Variants in CHD7 observed in about 807,000 individuals in gnomAD.
CHD7 encodes chromodomain helicase DNA binding protein 7, also known as ATP-dependent chromatin remodeler CHD7.
CHD7 carries 24 observed loss-of-function variants against 307.3 expected under a neutral mutation model. The observed-to-expected ratio is 0.08, with a 90% CI of 0.06 to 0.11. The LOEUF (loss-of-function observed/expected upper bound fraction) is 0.11, where lower values mean the gene tolerates loss of function less well. CHD7 is among the 10% of genes least tolerant of loss of function. CHD7 has a pLI of 1.00. For synonymous variants in CHD7, 1,363 were observed against 1,349.9 expected (o/e 1.01, Z -0.21); for missense variants, 3,106 against 3,727.1 (o/e 0.83, Z 4.34).
chr8:60,741,827 A>G lies in CHD7; in HGVS notation c.395A>G (p.Glu132Gly). Residue 132 changes from glutamate to glycine, a missense_variant, in exon 2 of 38, where the codon GAG becomes GGG. Glu to Gly is a moderately conservative substitution (Grantham distance 98). Coordinates refer to ENST00000423902, the MANE Select transcript of CHD7 (RefSeq NM_017780.4). ...QMGVYPGMQNERHGQSFVDSS... is the reference protein window; with the variant it reads ...QMGVYPGMQNGRHGQSFVDSS... ...GGTGTCTACCCTGGCATGCAGAATG[A>G]GAGGCATGGGCAATCCTTTGTGGAC... 6.2e-7 allele frequency: 1 copy of G among 1,613,884 alleles called. No individual in the cohort carries two copies. Among genetic ancestry groups the G allele is most frequent in the African/African-American group, 1.3e-5 (1 of 75,026 alleles).
chr8:60,856,758 C>T lies in CHD7; in HGVS notation c.7478C>T (p.Pro2493Leu). The change falls in exon 34 of 38, where the codon CCC (proline) becomes CTC (leucine). Residue 2493 changes from proline (P) to leucine (L), a missense_variant. Transcript: ENST00000423902. The stretch of plus-strand genomic sequence containing the variant: ...CTCCAAGCAGGCCTTTCGCGCACAC[C>T]CACAAGGCATCTCCTTAATGGCTCC... ...ELLQAGLSRT[P>L]TRHLLNGSLV... The T allele has an allele frequency of 6.2e-7, 1 of 1,613,978 alleles. No individual in the cohort carries two copies. The highest frequency in any genetic ancestry group is 8.5e-7 in the Non-Finnish European group (1 of 1,179,898).
chr8:60,783,584 G>A (rs761245695), intron 3 of CHD7, among the ~76,000 whole-genome samples: 1 of 152,184 alleles, frequency 6.6e-6, no homozygotes, highest in African/African-American at 2.4e-5. Context: ...CTCTGAAAAA[G>A]TGTCTAGTAC....
At chr8:60,744,862 A>G (rs1333547696) in intron 2 of CHD7, among the ~76,000 whole-genome samples, 1 of 151,502 alleles carries the variant, frequency 6.6e-6, no homozygotes, top group Admixed American at 6.6e-5. Context: ...CTAAAAAAAA[A>G]AAAATTTTTT....
chr8:60,807,191 G>A (rs1461659342), intron 6 of CHD7, among the ~76,000 whole-genome samples: 1 of 152,152 alleles, frequency 6.6e-6, no homozygotes, highest in African/African-American at 2.4e-5. Flanking sequence ...TTGCTCTTTT[G>A]TTTGTTCTTT....
At chr8:60,761,156 G>A (rs936391745) in intron 2 of CHD7, among the ~76,000 whole-genome samples, 2 of 151,792 alleles carry the variant, frequency 1.3e-5, no homozygotes, top group Non-Finnish European at 2.9e-5. Flanking sequence ...GGAATACTAT[G>A]CAGCCATAAA....
intron 1 of CHD7, among the ~76,000 whole-genome samples, chr8:60,729,949 G>C (rs1289417611): frequency 6.6e-6 from 1 of 152,074 alleles, no homozygotes; most frequent in African/African-American, 2.4e-5. Flanking sequence ...CAAGAGTCTT[G>C]TACACTCATA....
chr8:60,729,614 A>G (rs989026252), intron 1 of CHD7, among the ~76,000 whole-genome samples: 1 of 152,234 alleles, frequency 6.6e-6, no homozygotes, highest in African/African-American at 2.4e-5. Flanking sequence ...AGGCCTTAGT[A>G]AACACTGTAT....
chr8:60,865,841 T>G lies in CHD7; in HGVS notation c.8902T>G (p.Ser2968Ala). Residue 2968 changes from serine to alanine, a missense_variant, in exon 38 of 38, where the codon TCC becomes GCC. Coordinates refer to ENST00000423902, the MANE Select transcript of CHD7 (RefSeq NM_017780.4). The surrounding 1 kb of genome is among the most constrained non-coding windows in gnomAD (Gnocchi z 4.3). ...GGAGAGCCTGGATAAGACTGCAGAG[T>G]CCTCCCTCTTAGAAGACGAAATAGC... ...AEESLDKTAE[S>A]SLLEDEIAQG... 1 of 1,613,146 alleles carries G rather than the reference T, an allele frequency of 6.2e-7. No individual in the cohort carries two copies. The highest frequency in any genetic ancestry group is 1.3e-5 in the African/African-American group (1 of 74,880).
intron 1 of CHD7, among the ~76,000 whole-genome samples, chr8:60,705,653 G>C (rs1414976195): frequency 6.6e-6 from 1 of 152,158 alleles, no homozygotes; most frequent in African/African-American, 2.4e-5. Flanking sequence ...ATCTTATTGA[G>C]TAAAAATGGC....
chr8:60,721,206 G>A (rs1259232683), intron 1 of CHD7, among the ~76,000 whole-genome samples: 1 of 152,148 alleles, frequency 6.6e-6, no homozygotes, highest in Admixed American at 6.5e-5. Flanking sequence ...GGGCCTTTAG[G>A]GAGGTAATTA....
intron 2 of CHD7, among the ~76,000 whole-genome samples, chr8:60,744,799 G>A (rs1350084615): frequency 6.6e-6 from 1 of 151,336 alleles, no homozygotes; most frequent in East Asian, 1.9e-4. Context: ...ATGTTGCAGT[G>A]AGCTGAGATT....
At chr8:60,744,594 T>C (rs1809231026) in intron 2 of CHD7, among the ~76,000 whole-genome samples, 1 of 148,676 alleles carries the variant, frequency 6.7e-6, no homozygotes, top group South Asian at 2.1e-4. Flanking sequence ...GGCTCATGCC[T>C]GCAATCCCAG....
intron 34 of CHD7, 84 bp from the exon 35 acceptor site, chr8:60,860,820 C>A: frequency 4.1e-6 from 4 of 981,816 alleles, no homozygotes; most frequent in Non-Finnish European, 4.7e-6. Flanking sequence ...AAGATCCATT[C>A]TAGGATAGCG....
At chr8:60,692,902 C>G (rs560012913) in intron 1 of CHD7, among the ~76,000 whole-genome samples, 1 of 152,202 alleles carries the variant, frequency 6.6e-6, no homozygotes, top group Non-Finnish European at 1.5e-5. Context: ...CTAACTCCTA[C>G]GTCTGTATTC....
At chr8:60,763,979 TC>T in intron 2 of CHD7, among the ~76,000 whole-genome samples, 1 of 152,074 alleles carries the variant, frequency 6.6e-6, no homozygotes, top group Middle Eastern at 3.2e-3. Flanking sequence ...CTGAAATAGT[TC>T]TTTCTTTTGT....
At chr8:60,727,185 G>T (rs549565802) in intron 1 of CHD7, among the ~76,000 whole-genome samples, 1 of 152,168 alleles carries the variant, frequency 6.6e-6, no homozygotes, top group Non-Finnish European at 1.5e-5. Flanking sequence ...GTGGTGCAGT[G>T]GTATGATCAT....
At chr8:60,856,958 T>A in intron 34 of CHD7, 70 bp downstream of exon 34, 1 of 1,365,418 alleles carries the variant, frequency 7.3e-7, no homozygotes, top group Non-Finnish European at 1.0e-6. Flanking sequence ...ATGCTCACGA[T>A]GCTGGGCTGT....
chr8:60,769,574 T>G (rs1046701105), intron 2 of CHD7, among the ~76,000 whole-genome samples: 2 of 152,194 alleles, frequency 1.3e-5, no homozygotes, highest in African/African-American at 4.8e-5. Context: ...TTGTTCAGGT[T>G]TAGTCATTTA....
intron 1 of CHD7, among the ~76,000 whole-genome samples, chr8:60,722,810 T>A (rs1044027632): frequency 7.9e-5 from 12 of 152,180 alleles, no homozygotes; most frequent in Admixed American, 2.6e-4. Flanking sequence ...ATGAAGAAAA[T>A]CTGGTCTCAT....
Sources: allele counts gnomAD v4.1 joint callset (sites outside exome capture counted in the v4.1 genomes callset), GRCh38; gene constraint gnomAD v4.1.1; non-coding constraint Gnocchi (gnomAD v3.1); transcripts MANE v1.5; gene names NCBI Gene and HGNC (gene_info 2026-07-23, HGNC 2026-07-21).